ANKS1B: variants seen among roughly 807,000 people sequenced by gnomAD.
ANKS1B encodes ankyrin repeat and sterile alpha motif domain-containing protein 1B.
In ANKS1B, 36 loss-of-function variants were observed where a neutral mutation model predicts 148.3. The observed-to-expected ratio is 0.24, with a 90% CI of 0.19 to 0.32. ANKS1B has a LOEUF of 0.32. ANKS1B is among the 10% of genes least tolerant of loss of function. The pLI, the probability that ANKS1B is intolerant of heterozygous loss-of-function variation, is 1.00. For synonymous variants in ANKS1B, 542 were observed against 560.8 expected, an observed-to-expected ratio of 0.97 and a Z score of 0.47; for missense variants, 1,157 against 1,542.6, an observed-to-expected ratio of 0.75 and a Z score of 4.19.
At chr12:99,068,015 T>G (rs1008518335) in intron 16 of ANKS1B, among the ~76,000 whole-genome samples, 1 of 152,086 alleles carries the variant, frequency 6.6e-6, no homozygotes, top group African/African-American at 2.4e-5. Flanking sequence ...TTACAATAGT[T>G]TTAGTAGTTA....
intron 12 of ANKS1B, among the ~76,000 whole-genome samples, chr12:99,370,273 G>T (rs559161137): frequency 1.3e-5 from 2 of 152,206 alleles, no homozygotes; most frequent in East Asian, 3.9e-4. Flanking sequence ...AGAGTGCTTG[G>T]CCATGACTTA....
At position 99,274,396 on chromosome 12, in the gene ANKS1B, G is replaced by A. The variant is rs538023017; in HGVS notation, c.1757-27532C>T. On this transcript the variant is annotated intron_variant, in intron 12 of 26. Coordinates refer to ENST00000683438, the MANE Select transcript of ANKS1B (RefSeq NM_001352186.2). ...AGACAGGTGGCACTTTCAATAATCT[G>A]CCTGGAAATCTTAGATTGTCATTAG... Among the ~76,000 whole-genome samples, 19 of 152,084 alleles carry A rather than the reference G, an allele frequency of 1.2e-4. No individual in the cohort carries two copies. In the South Asian group the frequency reaches 2.7e-3, roughly 22 times the overall value.
intron 19 of ANKS1B, 66 bp from the exon 20 acceptor site, chr12:98,807,984 T>C (rs745333225): frequency 8.7e-6 from 11 of 1,260,938 alleles, no homozygotes; most frequent in African/African-American, 1.5e-5. Flanking sequence ...CAAGGTAGCA[T>C]CCAGGAAGGA....
chr12:99,892,239 G>A (rs914116508), intron 1 of ANKS1B, among the ~76,000 whole-genome samples: 1 of 152,076 alleles, frequency 6.6e-6, no homozygotes, highest in African/African-American at 2.4e-5. Flanking sequence ...TCCTGACCTC[G>A]TGATCTGCCC....
At chr12:99,205,343 CTCA>C (rs1167277564) in intron 14 of ANKS1B, among the ~76,000 whole-genome samples, 1 of 152,194 alleles carries the variant, frequency 6.6e-6, no homozygotes, top group African/African-American at 2.4e-5. Context: ...TCTTGCTCAC[CTCA>C]TCATAATGGT....
chr12:99,935,402 A>T (rs1266837088), intron 1 of ANKS1B, among the ~76,000 whole-genome samples: 4 of 151,856 alleles, frequency 2.6e-5, no homozygotes, highest in Admixed American at 2.6e-4. Context: ...AAGAACGCAC[A>T]TTTACCATCT....
At chr12:98,956,195 C>A (rs191497274) in intron 17 of ANKS1B, among the ~76,000 whole-genome samples, 1 of 152,292 alleles carries the variant, frequency 6.6e-6, no homozygotes, top group Non-Finnish European at 1.5e-5. Context: ...TTCATTCCTT[C>A]CATTTCCTCA....
intron 17 of ANKS1B, among the ~76,000 whole-genome samples, chr12:98,866,193 C>G (rs1007691204): frequency 6.6e-6 from 1 of 152,114 alleles, no homozygotes; most frequent in African/African-American, 2.4e-5. Flanking sequence ...GAAGTAGGCC[C>G]TAAAGCAAGA....
At chr12:99,149,074 G>C (rs370182163) in intron 15 of ANKS1B, among the ~76,000 whole-genome samples, 3 of 151,574 alleles carry the variant, frequency 2.0e-5, no homozygotes, top group Non-Finnish European at 4.4e-5. Context: ...CGGGGGGAGG[G>C]GGGTGACTAA....
At chr12:99,498,806 A>C (rs2096628669) in intron 10 of ANKS1B, among the ~76,000 whole-genome samples, 1 of 152,154 alleles carries the variant, frequency 6.6e-6, no homozygotes, top group African/African-American at 2.4e-5. Context: ...ACGTTTGCAA[A>C]TTCTACCTTT....
intron 1 of ANKS1B, among the ~76,000 whole-genome samples, chr12:99,901,983 C>T (rs1318002005): frequency 1.3e-5 from 2 of 152,106 alleles, no homozygotes; most frequent in Admixed American, 6.5e-5. Context: ...TGTGCAAGTG[C>T]TGAGATAAGA....
intron 12 of ANKS1B, among the ~76,000 whole-genome samples, chr12:99,373,833 T>G (rs900778190): frequency 6.6e-6 from 1 of 152,170 alleles, no homozygotes; most frequent in Non-Finnish European, 1.5e-5. Flanking sequence ...TGGACTGGAT[T>G]AAAGAATGAA....
At chr12:99,585,965 T>A (rs1307863199) in intron 9 of ANKS1B, among the ~76,000 whole-genome samples, 1 of 152,156 alleles carries the variant, frequency 6.6e-6, no homozygotes, top group Non-Finnish European at 1.5e-5. Context: ...CCTGGAGACA[T>A]TTTCCCCATT....
At chr12:99,347,525 G>C (rs1229148641) in intron 12 of ANKS1B, among the ~76,000 whole-genome samples, 1 of 152,072 alleles carries the variant, frequency 6.6e-6, no homozygotes. Context: ...CATACACACA[G>C]AGCCCAGTTG....
intron 17 of ANKS1B, among the ~76,000 whole-genome samples, chr12:98,915,951 C>T (rs1245362761): frequency 6.6e-6 from 1 of 152,118 alleles, no homozygotes; most frequent in African/African-American, 2.4e-5. Flanking sequence ...CAATGGTGGG[C>T]TGAGGTTGAG....
At chr12:99,476,011 C>A (rs2096313577) in intron 10 of ANKS1B, among the ~76,000 whole-genome samples, 1 of 152,046 alleles carries the variant, frequency 6.6e-6, no homozygotes, top group Non-Finnish European at 1.5e-5. Context: ...TATAGGAGTT[C>A]ATTAGTATAG....
At chr12:99,504,677 G>C (rs1013128676) in intron 9 of ANKS1B, 36 bp from the exon 10 acceptor site, 23 of 1,434,032 alleles carry the variant, frequency 1.6e-5, no homozygotes, top group Non-Finnish European at 2.0e-5. Flanking sequence ...GCTTTGTGAT[G>C]AAGAAACAGC....
chr12:99,470,524 A>G (rs1434238244), intron 10 of ANKS1B, among the ~76,000 whole-genome samples: 2 of 152,154 alleles, frequency 1.3e-5, no homozygotes, highest in Non-Finnish European at 2.9e-5. Context: ...CTTCATTAGT[A>G]GGCAAAACTC....
chr12:99,442,885 T>G (rs2095573257), intron 11 of ANKS1B, among the ~76,000 whole-genome samples: 2 of 152,092 alleles, frequency 1.3e-5, no homozygotes. Flanking sequence ...TCCAAAGTCC[T>G]CCTGTCTTGG....
Sources: allele counts gnomAD v4.1 joint callset (sites outside exome capture counted in the v4.1 genomes callset), GRCh38; gene constraint gnomAD v4.1.1; transcripts MANE v1.5; gene names NCBI Gene and HGNC (gene_info 2026-07-23, HGNC 2026-07-21).